The following ARHGAP32 variants were observed in gnomAD, a reference collection of about 807,000 sequenced individuals.
The protein encoded by ARHGAP32 is rho GTPase-activating protein 32.
ARHGAP32 carries 51 observed loss-of-function variants against 186.5 expected under a neutral mutation model. The observed-to-expected ratio is 0.27, with a 90% CI of 0.22 to 0.35. ARHGAP32 has a LOEUF of 0.35. Ranked by LOEUF, ARHGAP32 falls within the 10% of genes least tolerant of loss-of-function variation. The pLI, the probability that ARHGAP32 is intolerant of heterozygous loss-of-function variation, is 1.00. For missense variants in ARHGAP32, 2,186 were observed against 2,623.5 expected, an observed-to-expected ratio of 0.83 and a Z score of 3.64; for synonymous variants, 950 against 964.3, an observed-to-expected ratio of 0.99 and a Z score of 0.27.
intron 1 of ARHGAP32, among the ~76,000 whole-genome samples, chr11:129,201,372 T>C (rs1944452783): frequency 6.6e-6 from 1 of 152,162 alleles, no homozygotes; most frequent in African/African-American, 2.4e-5. Context: ...TTTCACTGGA[T>C]CACTAACTTT....
intron 5 of ARHGAP32, among the ~76,000 whole-genome samples, chr11:129,095,389 G>A (rs1464353698): frequency 6.6e-6 from 1 of 152,262 alleles, no homozygotes; most frequent in East Asian, 1.9e-4. Flanking sequence ...TCACTAAAGT[G>A]ATAAACTAAA....
At chr11:129,081,670 T>C (rs1941224151) in intron 6 of ARHGAP32, among the ~76,000 whole-genome samples, 1 of 151,570 alleles carries the variant, frequency 6.6e-6, no homozygotes, top group Non-Finnish European at 1.5e-5. Context: ...AAGTTGAAAG[T>C]ATTCCCCCGA....
intron 1 of ARHGAP32, among the ~76,000 whole-genome samples, chr11:129,264,028 T>C (rs368273168): frequency 2.6e-5 from 4 of 152,178 alleles, no homozygotes; most frequent in African/African-American, 9.7e-5. Context: ...ATATGTGGTA[T>C]GGACACACAA....
At chr11:129,265,055 C>CT (rs974702895) in intron 1 of ARHGAP32, among the ~76,000 whole-genome samples, 1 of 152,290 alleles carries the variant, frequency 6.6e-6, no homozygotes, top group Non-Finnish European at 1.5e-5. Flanking sequence ...CAGAAAGTCT[C>CT]TAACATAAAA....
chr11:129,168,491 A>C (rs1202773533), intron 1 of ARHGAP32, among the ~76,000 whole-genome samples: 1 of 152,254 alleles, frequency 6.6e-6, no homozygotes, highest in Admixed American at 6.5e-5. Flanking sequence ...AGTTGTAAAC[A>C]AAATTTGTAT....
intron 10 of ARHGAP32, among the ~76,000 whole-genome samples, chr11:129,045,242 C>T (rs957851440): frequency 5.3e-5 from 8 of 152,136 alleles, no homozygotes; most frequent in Admixed American, 3.3e-4. Context: ...TCCTCTGTGC[C>T]GTGAGCACAG....
intron 10 of ARHGAP32, among the ~76,000 whole-genome samples, chr11:129,053,797 T>C (rs1370486103): frequency 2.0e-5 from 3 of 152,204 alleles, no homozygotes; most frequent in Admixed American, 6.5e-5. Flanking sequence ...TGAAATTATG[T>C]CACAGATGAA....
intron 10 of ARHGAP32, among the ~76,000 whole-genome samples, chr11:129,056,275 C>G (rs1000627337): frequency 1.3e-5 from 2 of 152,156 alleles, no homozygotes; most frequent in African/African-American, 4.8e-5. Flanking sequence ...AAAATCAAGT[C>G]TATTGATTAT....
intron 2 of ARHGAP32, among the ~76,000 whole-genome samples, chr11:129,128,722 T>C (rs1482516972): frequency 3.3e-5 from 5 of 152,098 alleles, no homozygotes; most frequent in African/African-American, 1.2e-4. Context: ...TGCCTGGGAT[T>C]GCAGGCCCGC....
At chr11:129,150,822 T>C (rs930887461) in intron 2 of ARHGAP32, among the ~76,000 whole-genome samples, 2 of 151,834 alleles carry the variant, frequency 1.3e-5, no homozygotes, top group East Asian at 3.9e-4. Context: ...AAACAACATA[T>C]TAAGGCAACA....
intron 1 of ARHGAP32, among the ~76,000 whole-genome samples, chr11:129,224,768 CAA>C (rs57944399): frequency 4.8e-5 from 5 of 104,282 alleles, no homozygotes; most frequent in East Asian, 2.9e-4. Flanking sequence ...TTGGCTAGAG[CAA>C]AAAAAAAAAA....
At position 128,985,950 on chromosome 11, in the gene ARHGAP32, T is replaced by C. The variant is rs759652803; in HGVS notation, c.1526+53A>G. On this transcript the variant is annotated intron_variant, in intron 15 of 22. Coordinates refer to ENST00000682385, the MANE Select transcript of ARHGAP32 (RefSeq NM_001378024.1). ...AGAAATCCAAAGGAAAAAAAAACGT[T>C]TACAGGTCAACCGACTTCTACCTCT... 4 of 1,387,398 alleles carry C rather than the reference T, an allele frequency of 2.9e-6. No individual in the cohort carries two copies. In the East Asian group the frequency reaches 8.2e-5, roughly 29 times the overall value. 85.9% of individuals were successfully genotyped at this position (1,387,398 alleles called of 1,614,324 possible). A position where few individuals can be genotyped will look rare whatever the true frequency, so the allele number is the denominator to read the frequency against.
chr11:129,055,730 A>G (rs556487878), intron 10 of ARHGAP32, among the ~76,000 whole-genome samples: 2 of 152,358 alleles, frequency 1.3e-5, no homozygotes, highest in South Asian at 4.1e-4. Flanking sequence ...TGGAAAAGAC[A>G]TGACAGTGAA....
At chr11:129,267,511 T>G (rs565056634) in intron 1 of ARHGAP32, among the ~76,000 whole-genome samples, 1 of 150,492 alleles carries the variant, frequency 6.6e-6, no homozygotes, top group South Asian at 2.1e-4. Flanking sequence ...TGTATAGACA[T>G]ATGTTTCGAG....
At chr11:129,247,572 T>C (rs907471630) in intron 1 of ARHGAP32, among the ~76,000 whole-genome samples, 1 of 152,226 alleles carries the variant, frequency 6.6e-6, no homozygotes, top group East Asian at 1.9e-4. Context: ...CATCTTCCAG[T>C]TTATATTAAA....
intron 1 of ARHGAP32, among the ~76,000 whole-genome samples, chr11:129,205,502 G>C (rs1157698230): frequency 2.6e-5 from 4 of 152,064 alleles, no homozygotes. Flanking sequence ...TTTGGGCTCA[G>C]ACAATTCAAA....
At chr11:129,121,036 T>C (rs1189324679) in intron 5 of ARHGAP32, among the ~76,000 whole-genome samples, 1 of 152,110 alleles carries the variant, frequency 6.6e-6, no homozygotes, top group Non-Finnish European at 1.5e-5. Context: ...TAAACACGTT[T>C]AGAATCAAAT....
At chr11:129,052,272 A>G (rs566024371) in intron 10 of ARHGAP32, among the ~76,000 whole-genome samples, 6 of 152,268 alleles carry the variant, frequency 3.9e-5, no homozygotes, top group African/African-American at 1.4e-4. Context: ...CTACTTATCT[A>G]TCTTTCCACC....
At chr11:129,129,226 C>A (rs1942746814) in intron 2 of ARHGAP32, among the ~76,000 whole-genome samples, 1 of 142,634 alleles carries the variant, frequency 7.0e-6, no homozygotes, top group Non-Finnish European at 1.6e-5. Flanking sequence ...AGCCCCTCCA[C>A]CCGGCAGCTG....
Sources: allele counts gnomAD v4.1 joint callset (sites outside exome capture counted in the v4.1 genomes callset), GRCh38; gene constraint gnomAD v4.1.1; transcripts MANE v1.5; gene names NCBI Gene and HGNC (gene_info 2026-07-23, HGNC 2026-07-21).